Variants in SMOC2 observed in about 807,000 individuals in gnomAD.
SMOC2 encodes SPARC-related modular calcium-binding protein 2.
SMOC2 carries 39 observed loss-of-function variants against 61.4 expected under a neutral mutation model. The ratio of observed to expected loss-of-function variants is 0.64; its 90% CI spans 0.49 to 0.83. SMOC2 has a LOEUF of 0.83. SMOC2 is among the 40% of genes least tolerant of loss of function. The probability of loss-of-function intolerance (pLI) is 0.00; values close to 1 mark genes in which losing one functional copy is unlikely to be tolerated. For synonymous variants in SMOC2, 247 were observed against 239.9 expected, an observed-to-expected ratio of 1.03 and a Z score of -0.27; for missense variants, 556 against 592.9, an observed-to-expected ratio of 0.94 and a Z score of 0.65.
intron 1 of SMOC2, among the ~76,000 whole-genome samples, chr6:168,485,933 T>C (rs976002475): frequency 9.2e-5 from 14 of 152,238 alleles, no homozygotes; most frequent in African/African-American, 3.4e-4. Flanking sequence ...AATAGATTTA[T>C]TTTGTAATGT....
At chr6:168,638,170 G>A (rs558254194) in intron 9 of SMOC2, among the ~76,000 whole-genome samples, 8 of 151,010 alleles carry the variant, frequency 5.3e-5, no homozygotes, top group South Asian at 2.2e-4. Flanking sequence ...ATGGGACACC[G>A]TTCAGCTGAT....
At position 168,485,834 on chromosome 6, in the gene SMOC2, G is replaced by A. The variant is rs1244313667; in HGVS notation, c.85-24081G>A. Among the ~76,000 whole-genome samples the A allele has an allele frequency of 5.3e-5, 8 of 152,280 alleles. No homozygotes were observed. The East Asian group carries it at 1.5e-3, about 29-fold the overall frequency. On this transcript the variant is annotated intron_variant, in intron 1 of 12. Transcript: ENST00000356284. ...GGATGAATTGTGTGATAGGGGAATT[G>A]TATCTCAACATGCATGGATTAGTAA...
At position 168,453,678 on chromosome 6, in the gene SMOC2, C is replaced by CT. The variant is rs1285441514; in HGVS notation, c.84+12225dup. On this transcript the variant is annotated intron_variant, in intron 1 of 12. Coordinates refer to ENST00000356284, the MANE Select transcript of SMOC2 (RefSeq NM_001166412.2). This position sits in a 1 kb window ranked among gnomAD's most constrained non-coding sequence, Gnocchi z 4.4. ...TCTGTCTCTTCCTGTCTCTTTCTGTCTCTGTCTCTCTAATTCTGTCTATTG... is the reference window on the plus strand; with the variant it reads ...TCTGTCTCTTCCTGTCTCTTTCTGTCTTCTGTCTCTCTAATTCTGTCTATTG... Among the ~76,000 whole-genome samples, 1 of 151,866 alleles carries CT rather than the reference C, an allele frequency of 6.6e-6. No homozygotes were observed. Among genetic ancestry groups the CT allele is most frequent in the Admixed American group, 6.6e-5 (1 of 15,256 alleles).
intron 2 of SMOC2, among the ~76,000 whole-genome samples, chr6:168,513,490 CA>C (rs1562563751): frequency 7.0e-6 from 1 of 142,446 alleles, no homozygotes; most frequent in Non-Finnish European, 1.5e-5. Context: ...TACATACACA[CA>C]CACACACACA....
chr6:168,608,586 A>C (rs1238708300), intron 9 of SMOC2, among the ~76,000 whole-genome samples: 5 of 152,236 alleles, frequency 3.3e-5, no homozygotes, highest in African/African-American at 1.2e-4. Flanking sequence ...CATTCTACCT[A>C]CATTTCACTG....
intron 9 of SMOC2, among the ~76,000 whole-genome samples, chr6:168,647,586 G>C (rs1274571210): frequency 1.3e-5 from 2 of 152,232 alleles, no homozygotes; most frequent in African/African-American, 4.8e-5. Flanking sequence ...GGAAATCCCA[G>C]CTGTTCTGGG....
chr6:168,620,700 G>A (rs1046216653), intron 9 of SMOC2, among the ~76,000 whole-genome samples: 1 of 152,174 alleles, frequency 6.6e-6, no homozygotes, highest in Non-Finnish European at 1.5e-5. Context: ...GGAGAGAGGA[G>A]TGAACGTGAG....
Position 168,547,116 on chromosome 6 carries a change from C to T in SMOC2, c.512-3C>T. 1 of 1,614,044 alleles carries T rather than the reference C, an allele frequency of 6.2e-7. No individual in the cohort carries two copies. Among genetic ancestry groups the T allele is most frequent in the Non-Finnish European group, 8.5e-7 (1 of 1,180,018 alleles). ...TTGCAAATCTTTTCCGTTCTGAATTCAGATGATGCCGCAGCTCCAGCGTTG... is the reference window on the plus strand; with the variant it reads ...TTGCAAATCTTTTCCGTTCTGAATTTAGATGATGCCGCAGCTCCAGCGTTG... On this transcript the variant is annotated splice_polypyrimidine_tract_variant and splice_region_variant and intron_variant, in intron 5 of 12. Transcript: ENST00000356284.
intron 9 of SMOC2, among the ~76,000 whole-genome samples, chr6:168,642,215 A>G (rs1210733281): frequency 6.6e-6 from 1 of 152,234 alleles, no homozygotes; most frequent in East Asian, 1.9e-4. Flanking sequence ...AGGGTAGAAG[A>G]AGATTTACGG....
In SMOC2 at chr6:168,608,148, CG is replaced by C; in HGVS notation, c.825-8del. 6.2e-7 allele frequency: 1 copy of C among 1,610,302 alleles called. No homozygotes were observed. Among genetic ancestry groups the C allele is most frequent in the African/African-American group, 1.3e-5 (1 of 74,886 alleles). On this transcript the variant is annotated splice_polypyrimidine_tract_variant and splice_region_variant and intron_variant, in intron 8 of 12. Coordinates refer to ENST00000356284, the MANE Select transcript of SMOC2 (RefSeq NM_001166412.2). ...CTCTCTCCTTCCCCCGCCTTCCCCC[CG>C]CCCATAGGTACGAGCAGCCGAAATG...
intron 9 of SMOC2, among the ~76,000 whole-genome samples, chr6:168,620,251 GAATACT>G (rs2115229983): frequency 6.6e-6 from 1 of 152,222 alleles, no homozygotes; most frequent in East Asian, 1.9e-4. Context: ...AACGCTGGCA[GAATACT>G]AAGACTGCAT....
rs1379902667 is a variant in SMOC2, at chr6:168,535,851, T to C, written c.464-7774T>C. ...GGACACGTGAGGAATAACGCAGCAG[T>C]GATGCAGCTTCACGGCACAGGGGCG... is the stretch of plus-strand genomic sequence containing the variant. On this transcript the variant is annotated intron_variant, in intron 4 of 12. Transcript: ENST00000356284. This position sits in a 1 kb window ranked among gnomAD's most constrained non-coding sequence, Gnocchi z 4.6. 1.5e-4 allele frequency among the ~76,000 whole-genome samples: 20 copies of C among 130,186 alleles called. No individual in the cohort carries two copies. Among genetic ancestry groups the C allele is most frequent in the African/African-American group, 4.2e-4 (14 of 33,268 alleles). 85.4% of individuals were successfully genotyped at this position (130,186 alleles called of 152,430 possible).
chr6:168,516,584 A>G (rs377082040), intron 2 of SMOC2, among the ~76,000 whole-genome samples: 1 of 152,110 alleles, frequency 6.6e-6, no homozygotes, highest in East Asian at 1.9e-4. Context: ...AATGACCTCA[A>G]CAGCCCTCAG....
rs182866664 is a variant in SMOC2, at chr6:168,553,133, T to C, written c.637+3930T>C. On this transcript the variant is annotated intron_variant, in intron 7 of 12. Transcript: ENST00000356284. The surrounding 1 kb of genome is among the most constrained non-coding windows in gnomAD (Gnocchi z 4.2). ...CCCTAGAGGTTGCCTATTAGACTTA[T>C]ATTGATTTAAATTTAATAAATATAT... is the stretch of plus-strand genomic sequence containing the variant. 8.4e-3 allele frequency among the ~76,000 whole-genome samples: 1,277 copies of C among 152,328 alleles called. 8 individuals are homozygous for C. The highest frequency in any genetic ancestry group is 0.013 in the Non-Finnish European group (886 of 68,030).
intron 9 of SMOC2, among the ~76,000 whole-genome samples, chr6:168,626,668 C>A (rs1786417968): frequency 6.6e-6 from 1 of 152,216 alleles, no homozygotes; most frequent in Non-Finnish European, 1.5e-5. Context: ...AGCCAAACAT[C>A]ATTTAGCAAA....
At chr6:168,543,553 C>A in intron 4 of SMOC2, 72 bp from the exon 5 acceptor site, 1 of 1,346,942 alleles carries the variant, frequency 7.4e-7, no homozygotes, top group Non-Finnish European at 1.1e-6. Flanking sequence ...AAAATATGTG[C>A]ATAACTTAAT....
chr6:168,549,113 T>A lies in SMOC2; in HGVS notation c.563-16T>A. 6.2e-7 allele frequency: 1 copy of A among 1,610,018 alleles called. No individual in the cohort carries two copies. The highest frequency in any genetic ancestry group is 8.5e-7 in the Non-Finnish European group (1 of 1,176,286). Reference sequence around the variant, plus strand: ...TGATGAATTAAAGATGCTTGTCATTTCATTTTGGTTCATAGATATTGCATC... The same window carrying A: ...TGATGAATTAAAGATGCTTGTCATTACATTTTGGTTCATAGATATTGCATC... On this transcript the variant is annotated splice_polypyrimidine_tract_variant and intron_variant, in intron 6 of 12. Coordinates refer to ENST00000356284, the MANE Select transcript of SMOC2 (RefSeq NM_001166412.2).
At chr6:168,570,347 C>T (rs965116478) in intron 7 of SMOC2, among the ~76,000 whole-genome samples, 9 of 152,160 alleles carry the variant, frequency 5.9e-5, no homozygotes, top group Admixed American at 5.2e-4. Context: ...ACCAGAGGAG[C>T]CTTGCCAGAA....
intron 9 of SMOC2, among the ~76,000 whole-genome samples, chr6:168,613,255 C>T (rs547620267): frequency 1.1e-4 from 17 of 152,260 alleles, no homozygotes; most frequent in South Asian, 2.1e-4. Context: ...GGAAGTCTGA[C>T]GTATCCTGTG....
Sources: gnomAD v4.1 joint callset for allele counts (sites outside exome capture counted in the v4.1 genomes callset) on GRCh38, gnomAD v4.1.1 for gene constraint, Gnocchi (gnomAD v3.1) non-coding constraint, MANE v1.5 for transcripts, NCBI Gene and HGNC (gene_info 2026-07-23, HGNC 2026-07-21) for gene names.